The following PTPRC variants were observed in gnomAD, a reference collection of about 807,000 sequenced individuals.
PTPRC encodes the protein receptor-type tyrosine-protein phosphatase C.
Under a neutral mutation model 155.9 loss-of-function variants are expected in PTPRC, and 44 were observed. That is an observed-to-expected ratio of 0.28 (90% CI 0.22 to 0.36). PTPRC has a LOEUF of 0.36. Among genes scored for constraint, PTPRC ranks in the 10% least tolerant of loss-of-function variants. The pLI is 1.00. For missense variants in PTPRC, 1,401 were observed against 1,564.6 expected, an observed-to-expected ratio of 0.90 and a Z score of 1.76; for synonymous variants, 525 against 533.1, an observed-to-expected ratio of 0.98 and a Z score of 0.21.
At chr1:198,717,994 C>T (rs1653677919) in intron 13 of PTPRC, 100 bp from the exon 14 acceptor site, 2 of 1,004,804 alleles carry the variant, frequency 2.0e-6, no homozygotes, top group South Asian at 1.4e-5. Flanking sequence ...AACCCCCAAG[C>T]TAACACTTAA....
At chr1:198,702,291 G>A (rs1435565639) in intron 5 of PTPRC, 96 bp from the exon 6 acceptor site, 66 of 1,499,254 alleles carry the variant, frequency 4.4e-5, no homozygotes. Context: ...TTGTTTCTCT[G>A]CCTTATCTTT....
rs976539172 is a variant in PTPRC at position 198,709,587 on chromosome 1, AT to A, written c.1034-99del. The A allele has an allele frequency of 2.8e-6, 3 of 1,058,074 alleles. No homozygotes were observed. In the African/African-American group the frequency reaches 5.0e-5, roughly 18 times the overall value. 65.5% of individuals were successfully genotyped at this position (1,058,074 alleles called of 1,614,324 possible). ...TAATTTCCACAGATGTTTCAATCTG[AT>A]AAATATTAAATAGAGAATTATAAAT... is the stretch of plus-strand genomic sequence containing the variant. On this transcript the variant is annotated intron_variant, in intron 10 of 32. Transcript: ENST00000442510.
At chr1:198,710,370 TC>T (rs1653233798) in intron 11 of PTPRC, among the ~76,000 whole-genome samples, 1 of 152,158 alleles carries the variant, frequency 6.6e-6, no homozygotes, top group African/African-American at 2.4e-5. Context: ...AACTGTAAGT[TC>T]CCCCAAATTG....
At chr1:198,655,704 A>G (rs550998829) in intron 2 of PTPRC, among the ~76,000 whole-genome samples, 1 of 152,126 alleles carries the variant, frequency 6.6e-6, no homozygotes, top group South Asian at 2.1e-4. Context: ...GAGAACTGAG[A>G]TGACCTGGGC....
rs868152879 is a variant in PTPRC, at chr1:198,754,338, G to A, written c.3579G>A (p.Glu1193=). 1.9e-6 allele frequency: 3 copies of A among 1,613,056 alleles called. No individual in the cohort carries two copies. The highest frequency in any genetic ancestry group is 1.7e-5 in the Admixed American group (1 of 59,900). The change falls in exon 32 of 33, where the codon GAG becomes GAA. Residue 1193 remains glutamate (E), a synonymous_variant. Transcript: ENST00000442510. ...LNLLESAETE[E]VVDIFQVVKA... is the part of the protein sequence containing the mutation. ...TCTTAGAAAGTGCGGAAACAGAAGAGGTAGTGGATATTTTTCAAGTGGTAA... is the reference window on the plus strand; with the variant it reads ...TCTTAGAAAGTGCGGAAACAGAAGAAGTAGTGGATATTTTTCAAGTGGTAA...
At chr1:198,725,887 C>T (rs184846773) in intron 15 of PTPRC, among the ~76,000 whole-genome samples, 22 of 152,226 alleles carry the variant, frequency 1.4e-4, no homozygotes, top group Admixed American at 7.2e-4. Context: ...TTGTTTTCTA[C>T]CTTCTACAAC....
At chr1:198,659,903 T>G (rs973853119) in intron 2 of PTPRC, among the ~76,000 whole-genome samples, 1 of 151,418 alleles carries the variant, frequency 6.6e-6, no homozygotes, top group Non-Finnish European at 1.5e-5. Context: ...GAAAGATATT[T>G]TGGTAGTTTT....
At chr1:198,651,292 T>TTTTGTG (rs1553230422) in intron 2 of PTPRC, among the ~76,000 whole-genome samples, 2 of 147,800 alleles carry the variant, frequency 1.4e-5, no homozygotes, top group South Asian at 2.2e-4. Context: ...CAGATTGGGA[T>TTTTGTG]TGTGTGTGTG....
chr1:198,688,395 T>C (rs970396841), intron 2 of PTPRC, among the ~76,000 whole-genome samples: 1 of 152,138 alleles, frequency 6.6e-6, no homozygotes, highest in Non-Finnish European at 1.5e-5. Context: ...TATGGAGCGA[T>C]GATGAGATCA....
In PTPRC at chr1:198,748,116, C is replaced by G; in HGVS notation, c.2855C>G (p.Pro952Arg). Residue 952 changes from proline to arginine, a missense_variant, in exon 27 of 33, where the codon CCT (proline) becomes CGT (arginine). Physicochemically the swap from Pro to Arg is moderately radical, Grantham distance 103. Coordinates refer to ENST00000442510, the MANE Select transcript of PTPRC (RefSeq NM_002838.5). The stretch of plus-strand genomic sequence containing the variant: ...TTTTTTTTTTTTTTTCAGAGACTTC[C>G]TTCATATAGGAGCTGGAGGACACAG... Reference protein sequence around the residue: ...SPLEAEFQRLPSYRSWRTQHI... With the variant: ...SPLEAEFQRLRSYRSWRTQHI... 19 of 1,572,974 alleles carry G rather than the reference C, an allele frequency of 1.2e-5. No homozygotes were observed. Among genetic ancestry groups the G allele is most frequent in the Non-Finnish European group, 1.6e-5 (19 of 1,158,896 alleles).
upstream of PTPRC, chr1:198,638,832 A>G (rs1662400982): frequency 6.4e-6 from 1 of 157,338 alleles, no homozygotes. Flanking sequence ...TTTAAAAAAA[A>G]TGGTAATGGA....
chr1:198,716,908 C>G, intron 13 of PTPRC, 68 bp downstream of exon 13: 2 of 1,431,134 alleles, frequency 1.4e-6, no homozygotes, highest in Non-Finnish European at 2.0e-6. Context: ...TTTTAGCCTA[C>G]AATATTTCTA....
chr1:198,741,891 G>A lies in PTPRC; in HGVS notation c.2426G>A (p.Arg809Lys). ...IVNKKEKATG[R>K]EVTHIQFTSW... ...TAGAAAAAAGAAAAAGCAACTGGAA[G>A]AGAGGTGACTCACATTCAGTTCACC... Residue 809 changes from arginine to lysine, a missense_variant, in exon 24 of 33, where the codon AGA becomes AAA. Physicochemically the swap from Arg to Lys is conservative, Grantham distance 26. Transcript: ENST00000442510. 1 of 1,611,946 alleles carries A rather than the reference G, an allele frequency of 6.2e-7. No individual in the cohort carries two copies. Among genetic ancestry groups the A allele is most frequent in the Non-Finnish European group, 8.5e-7 (1 of 1,178,870 alleles).
At chr1:198,717,054 A>G (rs561329824) in intron 13 of PTPRC, among the ~76,000 whole-genome samples, 1 of 152,354 alleles carries the variant, frequency 6.6e-6, no homozygotes, top group South Asian at 2.1e-4. Context: ...AATTTTAAGG[A>G]CAAAGCATAA....
chr1:198,670,297 T>G (rs1664569513), intron 2 of PTPRC, among the ~76,000 whole-genome samples: 1 of 152,156 alleles, frequency 6.6e-6, no homozygotes. Flanking sequence ...TAATTATTAA[T>G]CACTGTTATA....
intron 2 of PTPRC, among the ~76,000 whole-genome samples, chr1:198,648,902 A>G (rs897639963): frequency 2.0e-5 from 3 of 151,768 alleles, no homozygotes; most frequent in Non-Finnish European, 1.5e-5. Flanking sequence ...TAAATAATTC[A>G]CCAAAGTATC....
At chr1:198,727,965 A>C (rs190840280) in intron 15 of PTPRC, among the ~76,000 whole-genome samples, 85 of 152,312 alleles carry the variant, frequency 5.6e-4, no homozygotes, top group African/African-American at 2.0e-3. Flanking sequence ...AAGTTAAACT[A>C]TATGAGTTTG....
At chr1:198,661,671 G>T (rs968961032) in intron 2 of PTPRC, among the ~76,000 whole-genome samples, 1 of 151,930 alleles carries the variant, frequency 6.6e-6, no homozygotes, top group Non-Finnish European at 1.5e-5. Flanking sequence ...GGTTCTTGGG[G>T]ACTATCTTGA....
Position 198,742,465 on chromosome 1 carries a change from TC to T in PTPRC, c.2697+99del, listed in dbSNP as rs772881089. 9 of 1,434,176 alleles carry T rather than the reference TC, an allele frequency of 6.3e-6. No homozygotes were observed. In the South Asian group the frequency reaches 7.0e-5, roughly 11 times the overall value. 88.8% of individuals were successfully genotyped at this position (1,434,176 alleles called of 1,614,324 possible). A position where few individuals can be genotyped will look rare whatever the true frequency, so the allele number is the denominator to read the frequency against. ...GATATTTTTTAAAAATCCAAATTCT[TC>T]ACAACCTCAAACAGTAGATGATTTC... On this transcript the variant is annotated intron_variant, in intron 25 of 32. Coordinates refer to ENST00000442510, the MANE Select transcript of PTPRC (RefSeq NM_002838.5).
Sources: allele counts gnomAD v4.1 joint callset (sites outside exome capture counted in the v4.1 genomes callset), GRCh38; gene constraint gnomAD v4.1.1; transcripts MANE v1.5; gene names NCBI Gene and HGNC (gene_info 2026-07-23, HGNC 2026-07-21).